NFASC: variants seen among roughly 807,000 people sequenced by gnomAD.
NFASC encodes the protein neurofascin.
NFASC carries 43 observed loss-of-function variants against 147.5 expected under a neutral mutation model. The ratio of observed to expected loss-of-function variants is 0.29; its 90% CI spans 0.23 to 0.38. The LOEUF (loss-of-function observed/expected upper bound fraction) is 0.38. NFASC is among the 10% of genes least tolerant of loss of function. NFASC has a pLI of 1.00. For missense variants in NFASC, 1,320 were observed against 1,689.0 expected (o/e 0.78, Z 3.83); for synonymous variants, 622 against 665.5 (o/e 0.93, Z 1.01).
At chr1:204,839,278 C>G (rs1158842741) in intron 1 of NFASC, among the ~76,000 whole-genome samples, 1 of 151,940 alleles carries the variant, frequency 6.6e-6, no homozygotes, top group African/African-American at 2.4e-5. Flanking sequence ...GGGCATAAGT[C>G]TCTGTGCTCA....
In NFASC at chr1:205,005,587, G is replaced by A. The variant is rs562621138; in HGVS notation, c.3289+2839G>A. On this transcript the variant is annotated intron_variant, in intron 27 of 29. Coordinates refer to ENST00000339876, the MANE Select transcript of NFASC (RefSeq NM_001005388.3). ...AATCTTGAAACAAGTTTAACAGACCGATTGAGTATGGTGTTGACAGTCAAA... is the reference window on the plus strand; with the variant it reads ...AATCTTGAAACAAGTTTAACAGACCAATTGAGTATGGTGTTGACAGTCAAA... Among the ~76,000 whole-genome samples the A allele has an allele frequency of 1.8e-4, 28 of 152,306 alleles. No individual in the cohort carries two copies. The East Asian group carries it at 2.3e-3, about 13-fold the overall frequency.
chr1:204,951,760 C>T (rs945513460), intron 4 of NFASC, among the ~76,000 whole-genome samples: 109 of 152,098 alleles, frequency 7.2e-4, no homozygotes, highest in African/African-American at 2.1e-3. Context: ...TGAGCCACCA[C>T]GCCTGGCTGC....
intron 3 of NFASC, among the ~76,000 whole-genome samples, chr1:204,945,183 C>T (rs920979402): frequency 1.4e-4 from 21 of 152,212 alleles, no homozygotes; most frequent in African/African-American, 5.1e-4. Flanking sequence ...CAGCCAAGCT[C>T]CTCGGCCCTG....
intron 25 of NFASC, 96 bp downstream of exon 25, chr1:204,997,502 T>C: frequency 7.1e-7 from 1 of 1,401,942 alleles, no homozygotes; most frequent in Non-Finnish European, 9.9e-7. Flanking sequence ...GGAGGTGGGG[T>C]CTGGGGTGGT....
chr1:204,997,373 A>G lies in NFASC; in HGVS notation c.2986A>G (p.Thr996Ala). The change falls in exon 25 of 30, where the codon ACC becomes GCC. Residue 996 changes from threonine (T) to alanine (A), a missense_variant. By Grantham distance (58) the Thr-to-Ala change is moderately conservative. Transcript: ENST00000339876. ...AATTTTESPP[T>A]TTSGTKIHES... ...CACCACCACCACGGAGAGTCCTCCC[A>G]CCACCACCTCCGGGACTAAGATACA... 2 of 1,553,788 alleles carry G rather than the reference A, an allele frequency of 1.3e-6. No individual in the cohort carries two copies. The highest frequency in any genetic ancestry group is 1.7e-6 in the Non-Finnish European group (2 of 1,148,132).
At chr1:204,992,995 T>A (rs756752589) in intron 24 of NFASC, among the ~76,000 whole-genome samples, 4 of 152,252 alleles carry the variant, frequency 2.6e-5, no homozygotes, top group Non-Finnish European at 4.4e-5. Context: ...GGAGGCAGAT[T>A]GCACTTTTTT....
chr1:204,897,017 A>G (rs1483816448), intron 1 of NFASC, among the ~76,000 whole-genome samples: 5 of 152,124 alleles, frequency 3.3e-5, no homozygotes, highest in Non-Finnish European at 5.9e-5. Flanking sequence ...GCATCAGACT[A>G]CCTGGAGCTT....
chr1:204,873,341 C>A (rs74138643), intron 1 of NFASC, among the ~76,000 whole-genome samples: 2,157 of 152,288 alleles, frequency 0.014, 44 homozygotes, highest in African/African-American at 0.049. Flanking sequence ...GAACAGGGAG[C>A]AACCAGCCAG....
intron 1 of NFASC, among the ~76,000 whole-genome samples, chr1:204,913,051 A>T (rs1371208186): frequency 7.2e-5 from 11 of 152,330 alleles, no homozygotes; most frequent in African/African-American, 2.6e-4. Flanking sequence ...TAAATTTAAA[A>T]ATAGAAAAAT....
At chr1:204,897,420 A>G (rs928493487) in intron 1 of NFASC, among the ~76,000 whole-genome samples, 2 of 152,138 alleles carry the variant, frequency 1.3e-5, no homozygotes, top group Non-Finnish European at 2.9e-5. Context: ...AAACCCAGTG[A>G]TACGGAGAAA....
At chr1:204,875,889 G>T (rs1437027596) in intron 1 of NFASC, among the ~76,000 whole-genome samples, 1 of 152,146 alleles carries the variant, frequency 6.6e-6, no homozygotes, top group African/African-American at 2.4e-5. Flanking sequence ...GGAGAGGTCT[G>T]ATAGGGTCTT....
rs190369429 is a variant in NFASC at position 205,019,672 on chromosome 1, G to A, written c.*3133G>A. ...TCCCTCTACCGCTTAAGCCACTGAT[G>A]GCTGCGAGCTTGAAGAGAGGGATTC... On this transcript the variant is annotated 3_prime_UTR_variant, in exon 30 of 30. Transcript: ENST00000339876. 1.3e-5 allele frequency: 2 copies of A among 152,298 alleles called. No homozygotes were observed. The highest frequency in any genetic ancestry group is 1.9e-4 in the East Asian group (1 of 5,168). 9.4% of individuals were successfully genotyped at this position (152,298 alleles called of 1,614,324 possible). A position where few individuals can be genotyped will look rare whatever the true frequency, so the allele number is the denominator to read the frequency against.
At chr1:205,012,123 A>G (rs75127363) in intron 28 of NFASC, among the ~76,000 whole-genome samples, 16,502 of 152,296 alleles carry the variant, frequency 0.11, 1,160 homozygotes, top group East Asian at 0.25. Flanking sequence ...GCTGTGCACT[A>G]GCGATACTGG....
At chr1:204,855,730 C>T (rs1572080238) in intron 1 of NFASC, among the ~76,000 whole-genome samples, 1 of 152,158 alleles carries the variant, frequency 6.6e-6, no homozygotes, top group East Asian at 1.9e-4. Flanking sequence ...ACCCTTGCTG[C>T]TATGGTCTCA....
At chr1:205,003,546 G>T (rs887393691) in intron 27 of NFASC, among the ~76,000 whole-genome samples, 1 of 152,188 alleles carries the variant, frequency 6.6e-6, no homozygotes, top group Non-Finnish European at 1.5e-5. Flanking sequence ...TTTAAACTCA[G>T]CCGAGCAGGC....
intron 1 of NFASC, among the ~76,000 whole-genome samples, chr1:204,833,643 T>C (rs1192649558): frequency 6.6e-6 from 1 of 152,180 alleles, no homozygotes; most frequent in Non-Finnish European, 1.5e-5. Context: ...CTGAGACAGG[T>C]AAAACACCTT....
At chr1:204,933,460 G>A (rs889858526) in intron 2 of NFASC, among the ~76,000 whole-genome samples, 2 of 152,120 alleles carry the variant, frequency 1.3e-5, no homozygotes, top group African/African-American at 4.8e-5. Context: ...TGGAGATGGG[G>A]CACATGACCC....
chr1:204,973,847 A>G (rs2095329748), intron 12 of NFASC, among the ~76,000 whole-genome samples: 1 of 152,054 alleles, frequency 6.6e-6, no homozygotes, highest in South Asian at 2.1e-4. Context: ...TATTTGCTGT[A>G]CCCGCTGGGC....
intron 29 of NFASC, among the ~76,000 whole-genome samples, chr1:205,013,548 T>G (rs1452492948): frequency 1.3e-5 from 2 of 152,186 alleles, no homozygotes; most frequent in African/African-American, 4.8e-5. Flanking sequence ...AGGTCCCGCA[T>G]TTCCAGCTGG....
Sources: allele counts gnomAD v4.1 joint callset (sites outside exome capture counted in the v4.1 genomes callset), GRCh38; gene constraint gnomAD v4.1.1; transcripts MANE v1.5; gene names NCBI Gene and HGNC (gene_info 2026-07-23, HGNC 2026-07-21).